The following FGGY variants were observed in gnomAD, a reference collection of about 807,000 sequenced individuals.
FGGY encodes FGGY carbohydrate kinase domain-containing protein.
A neutral mutation model predicts 71.3 loss-of-function variants in FGGY; 72 were observed. That is an observed-to-expected ratio of 1.01 (90% CI 0.84 to 1.23). The LOEUF is 1.23. Ranked by LOEUF, FGGY falls within the 50% of genes most tolerant of loss-of-function variation. The probability of loss-of-function intolerance (pLI) is 0.00; values close to 1 mark genes in which losing one functional copy is unlikely to be tolerated. For missense variants in FGGY, 668 were observed against 682.3 expected (o/e 0.98, Z 0.23); for synonymous variants, 251 against 250.3 (o/e 1.00, Z -0.02).
intron 7 of FGGY, among the ~76,000 whole-genome samples, chr1:59,539,045 A>T (rs1316601866): frequency 1.3e-5 from 2 of 152,180 alleles, no homozygotes; most frequent in South Asian, 2.1e-4. Flanking sequence ...ACAATAAAAT[A>T]AAAATATTAA....
intron 14 of FGGY, among the ~76,000 whole-genome samples, chr1:59,689,157 C>T (rs1191738616): frequency 1.3e-5 from 2 of 152,130 alleles, no homozygotes; most frequent in African/African-American, 2.4e-5. Flanking sequence ...CCAGAGAGTG[C>T]TGTTGCATAA....
intron 7 of FGGY, among the ~76,000 whole-genome samples, chr1:59,543,043 G>A (rs1052162578): frequency 6.6e-6 from 1 of 152,178 alleles, no homozygotes; most frequent in Non-Finnish European, 1.5e-5. Context: ...AAGCAGAGAT[G>A]TCATTTCAAC....
At chr1:59,627,489 T>TCTATAC (rs2096869918) in intron 10 of FGGY, among the ~76,000 whole-genome samples, 1 of 92,802 alleles carries the variant, frequency 1.1e-5, no homozygotes. Context: ...TATATATATA[T>TCTATAC]ACACACACAC....
chr1:59,534,011 C>T (rs2095241949), intron 7 of FGGY, among the ~76,000 whole-genome samples: 2 of 152,170 alleles, frequency 1.3e-5, no homozygotes, highest in Non-Finnish European at 2.9e-5. Context: ...GAGAAGAAGG[C>T]TTCAGACGAT....
intron 5 of FGGY, among the ~76,000 whole-genome samples, chr1:59,384,826 TTGTC>T (rs1307699243): frequency 1.3e-5 from 2 of 152,160 alleles, no homozygotes; most frequent in African/African-American, 2.4e-5. Context: ...AAAATCCACA[TTGTC>T]TGTTCTCTTT....
intron 4 of FGGY, among the ~76,000 whole-genome samples, chr1:59,370,684 C>T (rs2057447127): frequency 1.3e-5 from 2 of 151,704 alleles, no homozygotes; most frequent in African/African-American, 2.4e-5. Context: ...CAAAGGGAAG[C>T]CCATCAGACT....
At chr1:59,322,902 C>G (rs1347823509) in intron 2 of FGGY, among the ~76,000 whole-genome samples, 1 of 152,110 alleles carries the variant, frequency 6.6e-6, no homozygotes, top group African/African-American at 2.4e-5. Flanking sequence ...CTTAAATATT[C>G]ATGAGGTGCT....
intron 4 of FGGY, among the ~76,000 whole-genome samples, chr1:59,374,478 T>C (rs1213322349): frequency 2.0e-5 from 3 of 152,146 alleles, no homozygotes; most frequent in Non-Finnish European, 4.4e-5. Context: ...AGTTGAACCA[T>C]TGTGGAAGTC....
chr1:59,632,627 T>C (rs1296700412), intron 10 of FGGY, among the ~76,000 whole-genome samples: 1 of 152,218 alleles, frequency 6.6e-6, no homozygotes, highest in Admixed American at 6.5e-5. Flanking sequence ...ATCTGCAGTA[T>C]GTTTGGCACT....
intron 8 of FGGY, among the ~76,000 whole-genome samples, chr1:59,584,348 T>A (rs1425224450): frequency 6.7e-6 from 1 of 150,062 alleles, no homozygotes; most frequent in Non-Finnish European, 1.5e-5. Context: ...ATCCCTGGGA[T>A]GCAAGGCTTG....
chr1:59,550,514 C>G (rs1361356378), intron 7 of FGGY, among the ~76,000 whole-genome samples: 2 of 152,036 alleles, frequency 1.3e-5, no homozygotes, highest in African/African-American at 4.8e-5. Flanking sequence ...TGAGGCCAGT[C>G]CTGCCCAATA....
chr1:59,564,149 A>ATG (rs2095839189), intron 8 of FGGY, among the ~76,000 whole-genome samples: 3 of 152,250 alleles, frequency 2.0e-5, no homozygotes, highest in Admixed American at 2.0e-4. Flanking sequence ...TCATGACTAA[A>ATG]ACACCAAAAG....
intron 5 of FGGY, among the ~76,000 whole-genome samples, chr1:59,435,264 G>C (rs1030556299): frequency 2.0e-5 from 3 of 152,234 alleles, no homozygotes; most frequent in African/African-American, 4.8e-5. Context: ...TTTGAAGCCA[G>C]TATCTGGGGA....
intron 14 of FGGY, among the ~76,000 whole-genome samples, chr1:59,741,938 C>CAAA (rs11347068): frequency 1.2e-5 from 1 of 85,202 alleles, no homozygotes; most frequent in Non-Finnish European, 2.3e-5. Flanking sequence ...GACTCCATCT[C>CAAA]AAAAAAAAAA....
intron 5 of FGGY, among the ~76,000 whole-genome samples, chr1:59,400,024 T>A (rs2061754400): frequency 6.6e-6 from 1 of 152,232 alleles, no homozygotes; most frequent in African/African-American, 2.4e-5. Flanking sequence ...TAAAGCTAAG[T>A]GTTTAGAAAC....
intron 9 of FGGY, among the ~76,000 whole-genome samples, chr1:59,620,634 A>G (rs1023145946): frequency 6.6e-6 from 1 of 152,060 alleles, no homozygotes; most frequent in Non-Finnish European, 1.5e-5. Context: ...TAAGAATTCA[A>G]TTTTAAGTTA....
chr1:59,585,131 G>C (rs575391710), intron 8 of FGGY, among the ~76,000 whole-genome samples: 4 of 152,200 alleles, frequency 2.6e-5, no homozygotes, highest in African/African-American at 7.2e-5. Context: ...TCCCCATCAA[G>C]CTACCAATGA....
chr1:59,541,737 A>G (rs2095443016), intron 7 of FGGY, among the ~76,000 whole-genome samples: 1 of 152,210 alleles, frequency 6.6e-6, no homozygotes, highest in Non-Finnish European at 1.5e-5. Flanking sequence ...TGTGTACTTC[A>G]ATGTACCAAA....
intron 5 of FGGY, among the ~76,000 whole-genome samples, chr1:59,436,312 C>T (rs527582864): frequency 6.6e-6 from 1 of 152,296 alleles, no homozygotes; most frequent in African/African-American, 2.4e-5. Context: ...GCTGTCTCTT[C>T]ATTGTCCCTG....
Sources: gnomAD v4.1 joint callset for allele counts (sites outside exome capture counted in the v4.1 genomes callset) on GRCh38, gnomAD v4.1.1 for gene constraint, MANE v1.5 for transcripts, NCBI Gene and HGNC (gene_info 2026-07-23, HGNC 2026-07-21) for gene names.